ADGRB3: variants seen among roughly 807,000 people sequenced by gnomAD.
The protein encoded by ADGRB3 is adhesion G protein-coupled receptor B3, also known as brain-specific angiogenesis inhibitor 3.
In ADGRB3, 37 loss-of-function variants were observed where a neutral mutation model predicts 193.4. The ratio of observed to expected loss-of-function variants is 0.19; its 90% CI spans 0.15 to 0.25. The LOEUF (loss-of-function observed/expected upper bound fraction) is 0.25, where lower values mean the gene tolerates loss of function less well. ADGRB3 is among the 10% of genes least tolerant of loss of function. The probability of loss-of-function intolerance (pLI) is 1.00; values close to 1 mark genes in which losing one functional copy is unlikely to be tolerated. For synonymous variants in ADGRB3, 690 were observed against 644.2 expected (o/e 1.07, Z -1.08); for missense variants, 1,637 against 1,852.9 (o/e 0.88, Z 2.14).
At chr6:68,902,245 A>T (rs1307761120) in intron 3 of ADGRB3, among the ~76,000 whole-genome samples, 1 of 152,112 alleles carries the variant, frequency 6.6e-6, no homozygotes, top group African/African-American at 2.4e-5. Flanking sequence ...TTCAATGAAA[A>T]TTGTGTCTGT....
rs571267201 is a variant in ADGRB3 at position 69,195,370 on chromosome 6, A to C, written c.2481-37920A>C. Among the ~76,000 whole-genome samples the C allele has an allele frequency of 9.8e-4, 149 of 152,038 alleles. 1 individual carries two copies. Among genetic ancestry groups the C allele is most frequent in the Admixed American group, 8.7e-3 (132 of 15,258 alleles). ...CATAGTGGACCCTATTTCTACAAAA[A>C]ATAAAAATAAATAATAAAAAATAAA... On this transcript the variant is annotated intron_variant, in intron 17 of 31. Coordinates refer to ENST00000370598, the MANE Select transcript of ADGRB3 (RefSeq NM_001704.3).
At chr6:69,071,526 G>A (rs768898729) in intron 16 of ADGRB3, among the ~76,000 whole-genome samples, 2 of 152,286 alleles carry the variant, frequency 1.3e-5, no homozygotes, top group African/African-American at 2.4e-5. Context: ...AGAAATTTGA[G>A]CAGTGGTGCA....
intron 17 of ADGRB3, among the ~76,000 whole-genome samples, chr6:69,137,796 C>CA (rs1442685208): frequency 2.0e-5 from 3 of 151,988 alleles, no homozygotes; most frequent in African/African-American, 7.2e-5. Flanking sequence ...GACTCTGTCT[C>CA]AAAAACAAGA....
intron 14 of ADGRB3, among the ~76,000 whole-genome samples, chr6:69,048,555 C>A (rs1219641023): frequency 6.6e-6 from 1 of 151,898 alleles, no homozygotes; most frequent in African/African-American, 2.4e-5. Flanking sequence ...TATACAAGTG[C>A]AAATTATCGA....
intron 3 of ADGRB3, among the ~76,000 whole-genome samples, chr6:68,691,852 A>G (rs1384132596): frequency 6.6e-6 from 1 of 151,470 alleles, no homozygotes; most frequent in Non-Finnish European, 1.5e-5. Flanking sequence ...TTATATATAT[A>G]TATATATATG....
intron 3 of ADGRB3, among the ~76,000 whole-genome samples, chr6:68,717,373 C>T (rs1047166069): frequency 2.6e-5 from 4 of 151,626 alleles, no homozygotes; most frequent in Non-Finnish European, 4.4e-5. Context: ...GCATTAAAAA[C>T]GATATGTTTT....
intron 21 of ADGRB3, among the ~76,000 whole-genome samples, chr6:69,325,800 T>C (rs1768555100): frequency 6.6e-6 from 1 of 152,118 alleles, no homozygotes; most frequent in African/African-American, 2.4e-5. Flanking sequence ...GCTGGAAAAA[T>C]ATGATCAAGA....
chr6:68,964,506 C>T (rs964843379), intron 8 of ADGRB3, among the ~76,000 whole-genome samples: 9 of 152,150 alleles, frequency 5.9e-5, no homozygotes, highest in Non-Finnish European at 7.4e-5. Flanking sequence ...GACTCACTGT[C>T]GTCTTTGGCT....
At chr6:68,669,795 C>A (rs1036443129) in intron 3 of ADGRB3, among the ~76,000 whole-genome samples, 2 of 151,730 alleles carry the variant, frequency 1.3e-5, no homozygotes, top group African/African-American at 4.8e-5. Context: ...TGGGTATATA[C>A]CCAACAGTGA....
At chr6:69,141,603 T>C (rs1339565069) in intron 17 of ADGRB3, among the ~76,000 whole-genome samples, 1 of 151,706 alleles carries the variant, frequency 6.6e-6, no homozygotes, top group African/African-American at 2.4e-5. Context: ...TATGAAGAGG[T>C]CAGAGTGACC....
intron 3 of ADGRB3, among the ~76,000 whole-genome samples, chr6:68,904,303 A>T (rs1766485387): frequency 6.6e-6 from 1 of 152,292 alleles, no homozygotes; most frequent in African/African-American, 2.4e-5. Flanking sequence ...CTATGTAATG[A>T]CATATGTCAT....
At chr6:69,306,278 G>A (rs1224829899) in intron 20 of ADGRB3, among the ~76,000 whole-genome samples, 5 of 147,744 alleles carry the variant, frequency 3.4e-5, no homozygotes, top group Admixed American at 2.7e-4. Context: ...ATGTTGTCAC[G>A]ATATATTGCC....
intron 3 of ADGRB3, among the ~76,000 whole-genome samples, chr6:68,669,652 A>G (rs376445485): frequency 0.027 from 3,476 of 129,030 alleles, 60 homozygotes; most frequent in East Asian, 0.058. Flanking sequence ...GTGTGTGTGT[A>G]TACCAAATTT....
At chr6:69,059,411 C>CT (rs1771650733) in intron 15 of ADGRB3, among the ~76,000 whole-genome samples, 1 of 151,948 alleles carries the variant, frequency 6.6e-6, no homozygotes, top group Non-Finnish European at 1.5e-5. Flanking sequence ...TTTATACTCT[C>CT]TTTAAGATAT....
chr6:69,386,547 C>A (rs988107771), intron 31 of ADGRB3, among the ~76,000 whole-genome samples: 2 of 152,084 alleles, frequency 1.3e-5, no homozygotes, highest in African/African-American at 2.4e-5. Context: ...CTATTGCCTA[C>A]AAAATAAATT....
intron 17 of ADGRB3, among the ~76,000 whole-genome samples, chr6:69,196,011 A>G (rs1047354069): frequency 4.6e-5 from 7 of 152,138 alleles, no homozygotes; most frequent in African/African-American, 1.4e-4. Flanking sequence ...AGATGTTTAC[A>G]ATTTACATTG....
intron 17 of ADGRB3, among the ~76,000 whole-genome samples, chr6:69,180,253 TG>T: frequency 6.6e-6 from 1 of 151,956 alleles, no homozygotes; most frequent in South Asian, 2.1e-4. Flanking sequence ...ACATGAATGG[TG>T]GGGTGGCTCA....
At chr6:69,364,399 G>A (rs898597137) in intron 29 of ADGRB3, among the ~76,000 whole-genome samples, 3 of 151,790 alleles carry the variant, frequency 2.0e-5, no homozygotes, top group Non-Finnish European at 4.4e-5. Flanking sequence ...AAAGAAGGAG[G>A]CTCCCCAACC....
At chr6:68,905,266 C>T (rs1766510547) in intron 3 of ADGRB3, among the ~76,000 whole-genome samples, 1 of 152,136 alleles carries the variant, frequency 6.6e-6, no homozygotes, top group Non-Finnish European at 1.5e-5. Flanking sequence ...CATATAAGGT[C>T]ACCTAATCAA....
Sources: gnomAD v4.1 joint callset for allele counts (sites outside exome capture counted in the v4.1 genomes callset) on GRCh38, gnomAD v4.1.1 for gene constraint, MANE v1.5 for transcripts, NCBI Gene and HGNC (gene_info 2026-07-23, HGNC 2026-07-21) for gene names.